DMD: variants seen among roughly 807,000 people sequenced by gnomAD.
DMD encodes the protein dystrophin, also known as mutant dystrophin.
In DMD, 63 loss-of-function variants were observed where a neutral mutation model predicts 330.1. That is an observed-to-expected ratio of 0.19 (90% CI 0.16 to 0.24). DMD has a LOEUF of 0.24. Ranked by LOEUF, DMD falls within the 10% of genes least tolerant of loss-of-function variation. The probability of loss-of-function intolerance (pLI) is 1.00; values close to 1 mark genes in which losing one functional copy is unlikely to be tolerated. For synonymous variants in DMD, 1,223 were observed against 959.8 expected (o/e 1.27, Z -5.07); for missense variants, 3,344 against 2,684.1 (o/e 1.25, Z -5.43).
At chrX:31,934,145 A>G (rs1877147865) in intron 45 of DMD, among the ~76,000 whole-genome samples, 1 of 111,771 alleles carries the variant, frequency 8.9e-6, no homozygotes, top group African/African-American at 3.3e-5. Flanking sequence ...AGGAGAAGTT[A>G]TTTCTGGGGC....
intron 48 of DMD, among the ~76,000 whole-genome samples, chrX:31,872,094 C>G (rs919600347): frequency 2.8e-5 from 3 of 106,424 alleles, no homozygotes; most frequent in Non-Finnish European, 3.8e-5. Context: ...CCCCTCCCCC[C>G]ACCTTGAACA....
At position 31,242,288 on chromosome X, in the gene DMD, A is replaced by AT. The variant is rs1251785315; in HGVS notation, c.9286+18666_9286+18667insA. Among the ~76,000 whole-genome samples, 74 of 104,941 alleles carry AT rather than the reference A, an allele frequency of 7.1e-4. 1 individual carries two copies. Among genetic ancestry groups the AT allele is most frequent in the African/African-American group, 2.5e-3 (71 of 28,352 alleles). The allele number at this position is 104,941 out of a possible 115,157, so 91.1% of individuals were successfully genotyped here. ...AAAAAAAAAAAAAAAAAAAAAAAAA[A>AT]AAATCTGGAGTAGATTCTCAGAGAA... On this transcript the variant is annotated intron_variant, in intron 63 of 78. Transcript: ENST00000357033.
In DMD at chrX:32,573,525, C is replaced by T. The variant is rs2149136134; in HGVS notation, c.1812+5G>A. 2.5e-6 allele frequency: 3 copies of T among 1,202,992 alleles called. No homozygotes were observed. Among genetic ancestry groups the T allele is most frequent in the Non-Finnish European group, 3.4e-6 (3 of 888,017 alleles). On this transcript the variant is annotated splice_donor_5th_base_variant and intron_variant, in intron 15 of 78. Transcript: ENST00000357033. ...TAAGACCATTGAAAGCTAGAAAGTA[C>T]ATACGGCCAGTTTTTGAAGACTTGA...
At chrX:32,244,198 A>T (rs896243212) in intron 43 of DMD, among the ~76,000 whole-genome samples, 1 of 100,494 alleles carries the variant, frequency 1.0e-5, no homozygotes, top group African/African-American at 3.7e-5. Context: ...CCTATGAGTG[A>T]GAATATGCAG....
At chrX:31,345,709 G>A (rs1248314637) in intron 61 of DMD, among the ~76,000 whole-genome samples, 2 of 111,500 alleles carry the variant, frequency 1.8e-5, no homozygotes, top group East Asian at 5.6e-4. Context: ...TGCAGAAGAC[G>A]AAATCTGTAG....
chrX:31,862,117 T>C (rs894219868), intron 48 of DMD, among the ~76,000 whole-genome samples: 4 of 110,585 alleles, frequency 3.6e-5, no homozygotes, highest in African/African-American at 1.3e-4. Context: ...AAGTATCTAT[T>C]CAATAAATAA....
intron 29 of DMD, among the ~76,000 whole-genome samples, chrX:32,425,199 G>A (rs2098206721): frequency 1.8e-5 from 2 of 111,078 alleles, no homozygotes; most frequent in Admixed American, 1.9e-4. Context: ...TTTCCTCAAT[G>A]ACACCAGTTC....
At chrX:32,714,692 C>A (rs756894495) in intron 7 of DMD, among the ~76,000 whole-genome samples, 1 of 111,804 alleles carries the variant, frequency 8.9e-6, no homozygotes, top group South Asian at 3.7e-4. Flanking sequence ...TATGTGACTT[C>A]CTTTCCTCAT....
chrX:31,755,801 T>A (rs1238380196), intron 51 of DMD, among the ~76,000 whole-genome samples: 1 of 111,870 alleles, frequency 8.9e-6, no homozygotes, highest in East Asian at 2.8e-4. Flanking sequence ...TCTTTAAAGA[T>A]TGTGTTATTT....
At chrX:33,089,412 AC>A (rs2095055489) in intron 1 of DMD, among the ~76,000 whole-genome samples, 1 of 110,291 alleles carries the variant, frequency 9.1e-6, no homozygotes, top group Non-Finnish European at 1.9e-5. Flanking sequence ...AAAATGATAA[AC>A]CCAGGAATTG....
rs376202643 is a variant in DMD, at chrX:32,343,189, T to A, written c.5684A>T (p.Asp1895Val). ...QADDLLKCLD[D>V]IEKKLASLPE... ...TAGGCTGGCTAATTTTTTTTCAATG[T>A]CATCCAAGCATTTCAGGAGATCATC... Residue 1895 changes from aspartate to valine, a missense_variant, in exon 40 of 79, where the codon GAC becomes GTC. By Grantham distance (152) the Asp-to-Val change is radical. Transcript: ENST00000357033. The A allele has an allele frequency of 6.5e-5, 79 of 1,208,581 alleles. No homozygotes were observed. Among genetic ancestry groups the A allele is most frequent in the Middle Eastern group, 2.3e-4 (1 of 4,365 alleles).
At chrX:32,939,081 G>A (rs557619267) in intron 2 of DMD, among the ~76,000 whole-genome samples, 5 of 109,288 alleles carry the variant, frequency 4.6e-5, no homozygotes, top group African/African-American at 6.6e-5. Context: ...TTATAATCAC[G>A]AACAGTCCAT....
At chrX:31,868,518 C>T (rs910292838) in intron 48 of DMD, among the ~76,000 whole-genome samples, 22 of 111,646 alleles carry the variant, frequency 2.0e-4, no homozygotes, top group African/African-American at 6.5e-4. Context: ...ATAACCAAGG[C>T]TTTGACTGGA....
chrX:33,048,836 G>C lies in DMD; in HGVS notation c.32-28636C>G, dbSNP rs151233666. 7.0e-3 allele frequency among the ~76,000 whole-genome samples: 770 copies of C among 110,351 alleles called. 6 individuals carry two copies. The highest frequency in any genetic ancestry group is 6.6e-3 in the Non-Finnish European group (349 of 52,846). On this transcript the variant is annotated intron_variant, in intron 1 of 78. Coordinates refer to ENST00000357033, the MANE Select transcript of DMD (RefSeq NM_004006.3). ...AAAGAAAGGGGGCACCGCAAGAAAA[G>C]TATTGCCAGAGCTTGAAGGGCAGAA...
intron 7 of DMD, among the ~76,000 whole-genome samples, chrX:32,727,997 G>A (rs2067091521): frequency 1.8e-5 from 2 of 111,420 alleles, no homozygotes; most frequent in Admixed American, 9.6e-5. Flanking sequence ...TAAATTACAT[G>A]CATTTTATAT....
chrX:33,129,015 TC>T (rs1183531122), intron 1 of DMD: 4 of 112,251 alleles, frequency 3.6e-5, no homozygotes, highest in African/African-American at 1.3e-4. Flanking sequence ...AAAGGAATAA[TC>T]CGTATAACTT....
At chrX:32,990,150 T>C (rs2092937588) in intron 2 of DMD, among the ~76,000 whole-genome samples, 1 of 111,781 alleles carries the variant, frequency 8.9e-6, no homozygotes, top group Non-Finnish European at 1.9e-5. Context: ...TATTTCAGAG[T>C]GTTGACTAAA....
chrX:32,565,918 T>C, intron 15 of DMD, 37 bp from the exon 16 acceptor site: 1 of 1,122,648 alleles, frequency 8.9e-7, no homozygotes, highest in South Asian at 1.9e-5. Context: ...TAAGCCTGGG[T>C]TGCATTCCAT....
chrX:31,469,704 G>T (rs948904866), intron 59 of DMD, among the ~76,000 whole-genome samples: 3 of 111,531 alleles, frequency 2.7e-5, no homozygotes, highest in African/African-American at 6.5e-5. Context: ...TCCTGAATTT[G>T]AATGTTGGCC....
Sources: allele counts gnomAD v4.1 joint callset (sites outside exome capture counted in the v4.1 genomes callset), GRCh38; gene constraint gnomAD v4.1.1; transcripts MANE v1.5; gene names NCBI Gene and HGNC (gene_info 2026-07-23, HGNC 2026-07-21).